The following IRS4 variants were observed in gnomAD, a reference collection of about 807,000 sequenced individuals.
IRS4 encodes the protein 160 kDa phosphotyrosine protein.
IRS4 carries 15 observed loss-of-function variants against 48.6 expected under a neutral mutation model. That is an observed-to-expected ratio of 0.31 (90% CI 0.21 to 0.48). IRS4 has a LOEUF of 0.48. IRS4 is among the 20% of genes least tolerant of loss of function. IRS4 has a pLI of 0.99. For missense variants in IRS4, 987 were observed against 1,023.4 expected, an observed-to-expected ratio of 0.96 and a Z score of 0.49; for synonymous variants, 459 against 413.2, an observed-to-expected ratio of 1.11 and a Z score of -1.34.
At position 108,733,814 on chromosome X, in the gene IRS4, T is replaced by A; in HGVS notation, c.2531A>T (p.Glu844Val). ...TTTGGGGTCCCAGTTATAGGAGACT[T>A]CTTTGTCTAGGCCCCTCCCCAGGAA... ...GKFLGRGLDK[E>V]VSYNWDPKDA... The change falls in exon 1 of 2, where the codon GAA becomes GTA. Residue 844 changes from glutamate (E) to valine (V), a missense_variant. Transcript: ENST00000372129. 1 of 1,211,404 alleles carries A rather than the reference T, an allele frequency of 8.3e-7. No homozygotes were observed. The highest frequency in any genetic ancestry group is 1.1e-6 in the Non-Finnish European group (1 of 895,451).
In IRS4 at chrX:108,734,812, G is replaced by A. The variant is rs369718541; in HGVS notation, c.1533C>T (p.Gly511=). 7.4e-6 allele frequency: 9 copies of A among 1,209,257 alleles called. No homozygotes were observed. Among genetic ancestry groups the A allele is most frequent in the African/African-American group, 1.8e-5 (1 of 56,826 alleles). Residue 511 remains glycine, a synonymous_variant, in exon 1 of 2, where the codon GGC becomes GGT. Transcript: ENST00000372129. ...SGGGQGSNGQ[G]SSSHSSGGNQ... The stretch of plus-strand genomic sequence containing the variant: ...TTCCTCCCGAGCTATGGCTACTGGA[G>A]CCTTGGCCATTTGAGCCCTGGCCAC...
chrX:108,723,752 T>G (rs961638372), intron 1 of IRS4: 1 of 111,685 alleles, frequency 9.0e-6, no homozygotes, highest in Admixed American at 9.5e-5. Context: ...TGAGACCCTG[T>G]CTCAAAAAAA....
At chrX:108,724,800 A>T (rs761271996) in intron 1 of IRS4, 1 of 112,252 alleles carries the variant, frequency 8.9e-6, no homozygotes, top group Non-Finnish European at 1.9e-5. Context: ...TGATACTGAC[A>T]GGTTATAAAT....
intron 1 of IRS4, chrX:108,726,486 G>A (rs2068876194): frequency 8.9e-6 from 1 of 111,793 alleles, no homozygotes; most frequent in African/African-American, 3.3e-5. Context: ...TGGGGGCACA[G>A]GACTCTGAGT....
chrX:108,732,773 T>G lies in IRS4; in HGVS notation c.3572A>C (p.Asn1191Thr), dbSNP rs1028727925. ...VAGGSNPGAHNPSANLARGDN... is the reference protein window; with the variant it reads ...VAGGSNPGAHTPSANLARGDN... ...ACCTCTGGCAAGGTTTGCAGATGGG[T>G]TGTGGGCTCCAGGGTTCGAGCCACC... Residue 1191 changes from asparagine to threonine, a missense_variant, in exon 1 of 2, where the codon AAC (asparagine) becomes ACC (threonine). By Grantham distance (65) the Asn-to-Thr change is moderately conservative. Around this residue, in one of 4 missense-constraint regions of IRS4, gnomAD observed 720 missense variants for 660.3 expected, o/e 1.09. Transcript: ENST00000372129. 2.2e-5 allele frequency: 26 copies of G among 1,203,216 alleles called. No individual in the cohort carries two copies. The highest frequency in any genetic ancestry group is 2.9e-5 in the Non-Finnish European group (26 of 889,548).
chrX:108,729,118 A>G (rs771459836), intron 1 of IRS4, among the ~76,000 whole-genome samples: 56 of 111,173 alleles, frequency 5.0e-4, no homozygotes, highest in African/African-American at 1.7e-3. Context: ...GGTAGCTGGG[A>G]AATTTCTGCT....
rs370954750 is a variant in IRS4, at chrX:108,735,535, G to A, written c.810C>T (p.Thr270=). 201 of 1,207,338 alleles carry A rather than the reference G, an allele frequency of 1.7e-4. 1 individual carries two copies. Among genetic ancestry groups the A allele is most frequent in the Non-Finnish European group, 2.0e-4 (182 of 894,483 alleles). ...DEEVVFVRLN[T]EVASVVVQLL... Reference sequence around the variant, plus strand: ...GCTGGACGACCACGCTGGCCACTTCGGTGTTCAGCCTCACAAACACGACCT... The same window carrying A: ...GCTGGACGACCACGCTGGCCACTTCAGTGTTCAGCCTCACAAACACGACCT... The change falls in exon 1 of 2, where the codon ACC becomes ACT. Residue 270 remains threonine, a synonymous_variant. Coordinates refer to ENST00000372129, the MANE Select transcript of IRS4 (RefSeq NM_001379150.1).
rs11403667 is a variant in IRS4, at chrX:108,729,288, G to GTT, written c.3766+3289_3766+3290dup. Among the ~76,000 whole-genome samples the GTT allele has an allele frequency of 5.3e-3, 536 of 101,171 alleles. 1 individual carries two copies. The highest frequency in any genetic ancestry group is 0.02 in the Middle Eastern group (4 of 197). 87.9% of individuals were successfully genotyped at this position (101,171 alleles called of 115,157 possible). A position where few individuals can be genotyped will look rare whatever the true frequency, so the allele number is the denominator to read the frequency against. ...TAACACTGAAAAATTAATTACTAAA[G>GTT]TTTTTTTTTTTTGCTTTTTAATACC... On this transcript the variant is annotated intron_variant, in intron 1 of 1. Coordinates refer to ENST00000372129, the MANE Select transcript of IRS4 (RefSeq NM_001379150.1).
At position 108,733,631 on chromosome X, in the gene IRS4, G is replaced by A. The variant is rs778790945; in HGVS notation, c.2714C>T (p.Pro905Leu). Residue 905 changes from proline to leucine, a missense_variant, in exon 1 of 2, where the codon CCA becomes CTA. Transcript: ENST00000372129. ...TCTCTGCTCATGTGTGGGCTTTTGT[G>A]GTTTTGGCTTGATTTTATATCCTTT... is the stretch of plus-strand genomic sequence containing the variant. Reference protein sequence around the residue: ...ITKGYKIKPKPQKPTHEQREA... With the variant: ...ITKGYKIKPKLQKPTHEQREA... The A allele has an allele frequency of 1.1e-5, 13 of 1,210,012 alleles. No individual in the cohort carries two copies. The highest frequency in any genetic ancestry group is 8.7e-5 in the Admixed American group (4 of 45,781).
intron 1 of IRS4, among the ~76,000 whole-genome samples, chrX:108,729,408 C>A (rs911954296): frequency 8.2e-5 from 9 of 109,557 alleles, no homozygotes; most frequent in African/African-American, 2.7e-4. Context: ...AATAAAAAAA[C>A]CAGGAAAATG....
chrX:108,732,576 G>T lies in IRS4; in HGVS notation c.3766+3C>A, dbSNP rs28473027. ...TAGGGAAATTAATTCTAAAATTACC[G>T]ACCTCTTTTGGGAGAGTCGAACTGA... On this transcript the variant is annotated splice_donor_region_variant and intron_variant, in intron 1 of 1. Transcript: ENST00000372129. The T allele has an allele frequency of 4.8e-3, 5,843 of 1,208,331 alleles. 200 individuals carry two copies. The African/African-American group carries it at 0.09, about 19-fold the overall frequency.
At position 108,721,183 on chromosome X, in the gene IRS4, A is replaced by G. The variant is rs754873526; in HGVS notation, c.*1336T>C. ...GCTCACACACATACAAACACACCCAACTGTGATATGATGAGGTTTGCCAAT... is the reference window on the plus strand; with the variant it reads ...GCTCACACACATACAAACACACCCAGCTGTGATATGATGAGGTTTGCCAAT... On this transcript the variant is annotated 3_prime_UTR_variant, in exon 2 of 2. Transcript: ENST00000372129. The G allele has an allele frequency of 1.8e-5, 2 of 111,921 alleles. No individual in the cohort carries two copies. Among genetic ancestry groups the G allele is most frequent in the South Asian group, 3.7e-4 (1 of 2,667 alleles). The allele number at this position is 111,921 out of a possible 1,213,427, so 9.2% of individuals were successfully genotyped here.
In IRS4 at chrX:108,734,762, C is replaced by A. The variant is rs760664672; in HGVS notation, c.1583G>T (p.Gly528Val). 8.3e-7 allele frequency: 1 copy of A among 1,211,457 alleles called. No homozygotes were observed. Among genetic ancestry groups the A allele is most frequent in the Non-Finnish European group, 1.1e-6 (1 of 895,482 alleles). The change falls in exon 1 of 2, where the codon GGA (glycine) becomes GTA (valine). Residue 528 changes from glycine (G) to valine (V), a missense_variant. This residue lies in a region of IRS4 where 720 missense variants were observed against 660.3 expected (regional missense o/e 1.09). Coordinates refer to ENST00000372129, the MANE Select transcript of IRS4 (RefSeq NM_001379150.1). ...ATTTGAGCCCTGACCACCTCGGGAT[C>A]CCTGTCCCTCGCCTGAACACTGGTT... is the stretch of plus-strand genomic sequence containing the variant. ...GGNQCSGEGQ[G>V]SRGGQGSNGQ...
Position 108,735,315 on chromosome X carries a change from T to C in IRS4, c.1030A>G (p.Ser344Gly). Reference sequence around the variant, plus strand: ...AACAGGTGGGCGCCGATGCTGATGCTGTAGCTGCGGCAGCGGGCTCTGTAT... The same window carrying C: ...AACAGGTGGGCGCCGATGCTGATGCCGTAGCTGCGGCAGCGGGCTCTGTAT... Reference protein sequence around the residue: ...DEYRARCRSYSISIGAHLLTL... With the variant: ...DEYRARCRSYGISIGAHLLTL... Residue 344 changes from serine to glycine, a missense_variant, in exon 1 of 2, where the codon AGC becomes GGC. Physicochemically the swap from Ser to Gly is moderately conservative, Grantham distance 56. Coordinates refer to ENST00000372129, the MANE Select transcript of IRS4 (RefSeq NM_001379150.1). The C allele has an allele frequency of 8.3e-7, 1 of 1,211,347 alleles. No homozygotes were observed. The highest frequency in any genetic ancestry group is 1.1e-6 in the Non-Finnish European group (1 of 895,375).
At chrX:108,725,687 A>T (rs2068871611) in intron 1 of IRS4, among the ~76,000 whole-genome samples, 1 of 111,682 alleles carries the variant, frequency 9.0e-6, no homozygotes, top group African/African-American at 3.3e-5. Flanking sequence ...GCTATTGCTC[A>T]AGGCTAAAAA....
In IRS4 at chrX:108,733,969, G is replaced by A; in HGVS notation, c.2376C>T (p.Asn792=). 8.3e-7 allele frequency: 1 copy of A among 1,211,787 alleles called. No homozygotes were observed. Among genetic ancestry groups the A allele is most frequent in the Non-Finnish European group, 1.1e-6 (1 of 895,506 alleles). The part of the protein sequence containing the change: ...MAPGAGAIPK[N]PRNPQGGSSS... The stretch of plus-strand genomic sequence containing the variant: ...AAGAGCCACCCTGAGGATTTCTGGG[G>A]TTTTTTGGAATTGCACCGGCTCCAG... Residue 792 remains asparagine, a synonymous_variant, in exon 1 of 2, where the codon AAC becomes AAT. Transcript: ENST00000372129.
At chrX:108,728,607 T>G (rs1439369365) in intron 1 of IRS4, among the ~76,000 whole-genome samples, 1 of 112,276 alleles carries the variant, frequency 8.9e-6, no homozygotes, top group African/African-American at 3.2e-5. Context: ...AATGTGAATG[T>G]GCTTTGCAAA....
Position 108,735,324 on chromosome X carries a change from G to A in IRS4, c.1021C>T (p.Arg341Cys). ...LCADEYRARC[R>C]SYSISIGAHL... ...GCGCCGATGCTGATGCTGTAGCTGC[G>A]GCAGCGGGCTCTGTATTCGTCTGCA... is the stretch of plus-strand genomic sequence containing the variant. Residue 341 changes from arginine (R) to cysteine (C), a missense_variant, in exon 1 of 2, where the codon CGC becomes TGC. This residue lies in a region of IRS4 where 74 missense variants were observed against 100.4 expected (regional missense o/e 0.74). Coordinates refer to ENST00000372129, the MANE Select transcript of IRS4 (RefSeq NM_001379150.1). 1 of 1,211,420 alleles carries A rather than the reference G, an allele frequency of 8.3e-7. No individual in the cohort carries two copies. Among genetic ancestry groups the A allele is most frequent in the East Asian group, 3.0e-5 (1 of 33,769 alleles).
At chrX:108,731,616 C>T (rs1354792379) in intron 1 of IRS4, among the ~76,000 whole-genome samples, 1 of 111,822 alleles carries the variant, frequency 8.9e-6, no homozygotes, top group Non-Finnish European at 1.9e-5. Flanking sequence ...GGAAAAGTAG[C>T]CCTTTAAAAA....
Sources: allele counts gnomAD v4.1 joint callset (sites outside exome capture counted in the v4.1 genomes callset), GRCh38; gene constraint gnomAD v4.1.1; regional missense constraint gnomAD v4.1.1; transcripts MANE v1.5; gene names NCBI Gene and HGNC (gene_info 2026-07-23, HGNC 2026-07-21).